Variants in LRMDA observed in about 807,000 individuals in gnomAD.
LRMDA encodes the protein leucine-rich melanocyte differentiation-associated protein.
Under a neutral mutation model 29.8 loss-of-function variants are expected in LRMDA, and 18 were observed. The ratio of observed to expected loss-of-function variants is 0.60; its 90% confidence interval spans 0.42 to 0.90. The LOEUF is 0.90. Among genes scored for constraint, LRMDA ranks in the 40% least tolerant of loss-of-function variants. The pLI is 0.00. For synonymous variants in LRMDA, 125 were observed against 109.4 expected, an observed-to-expected ratio of 1.14 and a Z score of -0.89; for missense variants, 273 against 273.9, an observed-to-expected ratio of 1.00 and a Z score of 0.02.
chr10:76,208,828 C>T (rs1443255979), intron 5 of LRMDA, among the ~76,000 whole-genome samples: 3 of 152,068 alleles, frequency 2.0e-5, no homozygotes, highest in Admixed American at 6.5e-5. Context: ...TCCAGGCCCT[C>T]GGCACTGGTG....
intron 5 of LRMDA, among the ~76,000 whole-genome samples, chr10:76,142,513 C>A (rs113900744): frequency 2.3e-5 from 1 of 42,700 alleles, no homozygotes; most frequent in African/African-American, 1.2e-4. Flanking sequence ...AAGCTTGTCA[C>A]GCTTGATTTT....
At chr10:76,445,255 C>T (rs1185506009) in intron 6 of LRMDA, among the ~76,000 whole-genome samples, 1 of 152,150 alleles carries the variant, frequency 6.6e-6, no homozygotes, top group Non-Finnish European at 1.5e-5. Context: ...TGGTCAGTTT[C>T]TCTCCTCTCT....
chr10:76,142,163 A>G (rs1212375445), intron 5 of LRMDA, among the ~76,000 whole-genome samples: 1 of 151,990 alleles, frequency 6.6e-6, no homozygotes, highest in East Asian at 1.9e-4. Flanking sequence ...CTATCCCCTA[A>G]TGTAGATGAT....
chr10:75,876,781 A>G (rs1269352999), intron 2 of LRMDA, among the ~76,000 whole-genome samples: 1 of 152,208 alleles, frequency 6.6e-6, no homozygotes, highest in Non-Finnish European at 1.5e-5. Flanking sequence ...ACAAGATTCA[A>G]TAACTACGAT....
At chr10:76,261,247 AT>A (rs1439809945) in intron 5 of LRMDA, among the ~76,000 whole-genome samples, 2 of 149,326 alleles carry the variant, frequency 1.3e-5, no homozygotes, top group Non-Finnish European at 3.0e-5. Context: ...TTTTTTCTGT[AT>A]TTTTTAGTAG....
intron 6 of LRMDA, among the ~76,000 whole-genome samples, chr10:76,365,083 C>CATATATATATAT: frequency 2.0e-5 from 1 of 50,946 alleles, no homozygotes; most frequent in Non-Finnish European, 3.7e-5. Context: ...CACACACACA[C>CATATATATATAT]ACATATATAT....
intron 2 of LRMDA, among the ~76,000 whole-genome samples, chr10:75,922,682 C>T (rs756242738): frequency 1.1e-4 from 17 of 152,154 alleles, no homozygotes; most frequent in Non-Finnish European, 2.2e-4. Context: ...ACTGTTTCTC[C>T]AGAATGTGGA....
intron 2 of LRMDA, among the ~76,000 whole-genome samples, chr10:75,912,416 T>A (rs147517332): frequency 1.3e-5 from 2 of 152,194 alleles, no homozygotes; most frequent in African/African-American, 2.4e-5. Flanking sequence ...TTGGAAGCCC[T>A]CTTGGAAGAG....
intron 2 of LRMDA, among the ~76,000 whole-genome samples, chr10:75,635,436 G>A (rs1018870893): frequency 3.3e-5 from 5 of 152,056 alleles, no homozygotes; most frequent in African/African-American, 7.2e-5. Context: ...TTGCTGGGTG[G>A]TTTCTATTTT....
At chr10:75,811,431 C>T (rs1477512182) in intron 2 of LRMDA, among the ~76,000 whole-genome samples, 1 of 152,096 alleles carries the variant, frequency 6.6e-6, no homozygotes, top group Non-Finnish European at 1.5e-5. Flanking sequence ...TTAGGGCTAA[C>T]AGCTGCCTCA....
At chr10:75,700,323 ATCTG>A (rs1158978502) in intron 2 of LRMDA, among the ~76,000 whole-genome samples, 2 of 151,474 alleles carry the variant, frequency 1.3e-5, no homozygotes, top group African/African-American at 2.4e-5. Context: ...ATTATATGAC[ATCTG>A]TCTAATGAAA....
At chr10:75,890,474 G>T (rs993681882) in intron 2 of LRMDA, among the ~76,000 whole-genome samples, 4 of 152,154 alleles carry the variant, frequency 2.6e-5, no homozygotes, top group Admixed American at 1.3e-4. Context: ...CCAGGGCCAG[G>T]GTTATTCATC....
chr10:75,729,007 G>A (rs569890908), intron 2 of LRMDA, among the ~76,000 whole-genome samples: 2 of 152,114 alleles, frequency 1.3e-5, no homozygotes, highest in South Asian at 4.2e-4. Flanking sequence ...TCACCTTCAG[G>A]TCCAAGCTAA....
chr10:76,391,205 C>T (rs556042118), intron 6 of LRMDA, among the ~76,000 whole-genome samples: 1 of 152,298 alleles, frequency 6.6e-6, no homozygotes, highest in South Asian at 2.1e-4. Context: ...AGGAGTCTTC[C>T]TCTTTCTGTA....
At chr10:76,530,841 T>G (rs1843225826) in intron 6 of LRMDA, among the ~76,000 whole-genome samples, 1 of 152,114 alleles carries the variant, frequency 6.6e-6, no homozygotes, top group Non-Finnish European at 1.5e-5. Context: ...ACATAGAAGG[T>G]GATCAAATAA....
intron 2 of LRMDA, among the ~76,000 whole-genome samples, chr10:75,614,697 G>A (rs1429020683): frequency 6.6e-6 from 1 of 151,996 alleles, no homozygotes; most frequent in Non-Finnish European, 1.5e-5. Flanking sequence ...GCACACAGTT[G>A]TGATGCATGC....
intron 2 of LRMDA, among the ~76,000 whole-genome samples, chr10:75,557,392 A>G: frequency 6.6e-6 from 1 of 152,122 alleles, no homozygotes; most frequent in East Asian, 1.9e-4. Context: ...TAATGGACTA[A>G]ACACCCACTG....
At chr10:75,772,206 T>C (rs1331280293) in intron 2 of LRMDA, among the ~76,000 whole-genome samples, 1 of 152,238 alleles carries the variant, frequency 6.6e-6, no homozygotes, top group African/African-American at 2.4e-5. Flanking sequence ...ACTTCATGTT[T>C]GCTTTTATTG....
At chr10:75,868,185 A>G (rs1845051382) in intron 2 of LRMDA, among the ~76,000 whole-genome samples, 1 of 152,092 alleles carries the variant, frequency 6.6e-6, no homozygotes, top group Non-Finnish European at 1.5e-5. Context: ...GAGGATGAGG[A>G]CACCCTAAAG....
Sources: gnomAD v4.1 joint callset for allele counts (sites outside exome capture counted in the v4.1 genomes callset) on GRCh38, gnomAD v4.1.1 for gene constraint, MANE v1.5 for transcripts, NCBI Gene and HGNC (gene_info 2026-07-23, HGNC 2026-07-21) for gene names.